Variants in GALNTL6 observed in about 807,000 individuals in gnomAD.
The protein encoded by GALNTL6 is polypeptide N-acetylgalactosaminyltransferase-like 6.
Under a neutral mutation model 73.7 loss-of-function variants are expected in GALNTL6, and 46 were observed. The ratio of observed to expected loss-of-function variants is 0.62; its 90% CI spans 0.49 to 0.80. The LOEUF is 0.80. Ranked by LOEUF, GALNTL6 falls within the 30% of genes least tolerant of loss-of-function variation. The pLI is 0.00. For missense variants in GALNTL6, 604 were observed against 755.0 expected (o/e 0.80, Z 2.34); for synonymous variants, 259 against 263.7 (o/e 0.98, Z 0.17).
intron 5 of GALNTL6, among the ~76,000 whole-genome samples, chr4:172,567,928 T>C (rs1392772348): frequency 6.6e-6 from 1 of 152,180 alleles, no homozygotes; most frequent in African/African-American, 2.4e-5. Context: ...AAATTGTTAG[T>C]TGGGAGTCAT....
chr4:172,487,346 CTTTCT>C (rs1733724695), intron 5 of GALNTL6, among the ~76,000 whole-genome samples: 18 of 126,368 alleles, frequency 1.4e-4, no homozygotes, highest in African/African-American at 5.3e-4. Flanking sequence ...TTCTTTCTTT[CTTTCT>C]TTCTTTCCTT....
intron 5 of GALNTL6, among the ~76,000 whole-genome samples, chr4:172,737,527 AT>A (rs1736541765): frequency 6.6e-6 from 1 of 152,014 alleles, no homozygotes; most frequent in African/African-American, 2.4e-5. Flanking sequence ...GATTTTCTAT[AT>A]TATCTTGGAG....
At chr4:172,084,703 A>G (rs1320342391) in intron 2 of GALNTL6, among the ~76,000 whole-genome samples, 1 of 152,150 alleles carries the variant, frequency 6.6e-6, no homozygotes, top group African/African-American at 2.4e-5. Flanking sequence ...AATGTATTAA[A>G]CTGGGATCAG....
At chr4:171,983,134 TA>T (rs1739955959) in intron 2 of GALNTL6, among the ~76,000 whole-genome samples, 1 of 152,202 alleles carries the variant, frequency 6.6e-6, no homozygotes. Flanking sequence ...CTTGTCTAAA[TA>T]AACCCGTATA....
At chr4:171,949,549 T>G (rs1393285897) in intron 2 of GALNTL6, among the ~76,000 whole-genome samples, 1 of 152,016 alleles carries the variant, frequency 6.6e-6, no homozygotes, top group African/African-American at 2.4e-5. Flanking sequence ...AGGGTGAAGG[T>G]GAGGGGCAGA....
At chr4:172,061,274 A>G (rs760730795) in intron 2 of GALNTL6, among the ~76,000 whole-genome samples, 1 of 151,986 alleles carries the variant, frequency 6.6e-6, no homozygotes, top group Non-Finnish European at 1.5e-5. Flanking sequence ...ATATTTTAAA[A>G]ATACATTTGT....
At chr4:172,451,391 A>G (rs554644796) in intron 5 of GALNTL6, among the ~76,000 whole-genome samples, 40 of 152,352 alleles carry the variant, frequency 2.6e-4, no homozygotes, top group Admixed American at 7.8e-4. Flanking sequence ...TATTTATAAT[A>G]GTTCTTAGCT....
intron 2 of GALNTL6, among the ~76,000 whole-genome samples, chr4:171,826,380 C>A (rs905447860): frequency 2.0e-4 from 30 of 152,172 alleles, no homozygotes; most frequent in Non-Finnish European, 3.5e-4. Flanking sequence ...AAATATGGAA[C>A]CTCTATCCAG....
chr4:172,206,805 G>GTTTGTTTTTTTTTTTTTTTTTTTT (rs1554003003), intron 2 of GALNTL6, among the ~76,000 whole-genome samples: 12 of 26,170 alleles, frequency 4.6e-4, no homozygotes, highest in Non-Finnish European at 8.4e-4. Context: ...TTGTTTTTCT[G>GTTTGTTTTTTTTTTTTTTTTTTTT]TTTTTTTTGT....
At chr4:172,659,549 C>T (rs1432895066) in intron 5 of GALNTL6, among the ~76,000 whole-genome samples, 1 of 151,760 alleles carries the variant, frequency 6.6e-6, no homozygotes, top group African/African-American at 2.4e-5. Flanking sequence ...CCTTCTCAGC[C>T]TCTGGTAACC....
intron 8 of GALNTL6, among the ~76,000 whole-genome samples, chr4:172,913,357 C>T (rs1747316976): frequency 6.6e-6 from 1 of 152,154 alleles, no homozygotes; most frequent in Non-Finnish European, 1.5e-5. Flanking sequence ...CAGCTCCTCG[C>T]CAGCAACAGA....
intron 2 of GALNTL6, among the ~76,000 whole-genome samples, chr4:171,880,839 T>C (rs1736426292): frequency 6.6e-6 from 1 of 152,158 alleles, no homozygotes; most frequent in African/African-American, 2.4e-5. Flanking sequence ...TGTCAATAGT[T>C]GAAAGTCACT....
At chr4:172,245,577 C>T (rs1737630801) in intron 3 of GALNTL6, among the ~76,000 whole-genome samples, 1 of 152,074 alleles carries the variant, frequency 6.6e-6, no homozygotes, top group Non-Finnish European at 1.5e-5. Context: ...AGAGAGTCTC[C>T]CATGATTTGA....
intron 2 of GALNTL6, among the ~76,000 whole-genome samples, chr4:172,212,680 T>G (rs1736364950): frequency 6.6e-6 from 1 of 152,092 alleles, no homozygotes; most frequent in Non-Finnish European, 1.5e-5. Flanking sequence ...TTTATTTTAT[T>G]TTTTTAGATG....
intron 7 of GALNTL6, among the ~76,000 whole-genome samples, chr4:172,838,163 C>G (rs927859590): frequency 6.6e-6 from 1 of 152,168 alleles, no homozygotes; most frequent in Non-Finnish European, 1.5e-5. Flanking sequence ...GGGCACAGAT[C>G]TGAGTTCTGC....
At chr4:172,242,362 A>G (rs878920531) in intron 3 of GALNTL6, among the ~76,000 whole-genome samples, 1 of 152,066 alleles carries the variant, frequency 6.6e-6, no homozygotes, top group Non-Finnish European at 1.5e-5. Flanking sequence ...GTTTTGTGAA[A>G]TCATTATATC....
At chr4:172,416,971 T>C (rs1033110505) in intron 5 of GALNTL6, among the ~76,000 whole-genome samples, 7 of 152,316 alleles carry the variant, frequency 4.6e-5, no homozygotes, top group Admixed American at 4.6e-4. Flanking sequence ...CCATGGTTTA[T>C]AAGCTTATAA....
intron 5 of GALNTL6, among the ~76,000 whole-genome samples, chr4:172,528,905 A>G (rs1454465883): frequency 3.1e-5 from 4 of 130,702 alleles, no homozygotes; most frequent in Non-Finnish European, 6.6e-5. Flanking sequence ...TCTTATTCCT[A>G]TTGTGCAGAT....
At chr4:172,173,109 A>G (rs972146287) in intron 2 of GALNTL6, among the ~76,000 whole-genome samples, 1 of 152,220 alleles carries the variant, frequency 6.6e-6, no homozygotes, top group African/African-American at 2.4e-5. Flanking sequence ...GTAAGACACT[A>G]TTCTTAAGGT....
Sources: allele counts gnomAD v4.1 joint callset (sites outside exome capture counted in the v4.1 genomes callset), GRCh38; gene constraint gnomAD v4.1.1; transcripts MANE v1.5; gene names NCBI Gene and HGNC (gene_info 2026-07-23, HGNC 2026-07-21).